Variants in CD6 observed in about 807,000 individuals in gnomAD.
The protein encoded by CD6 is CD6 molecule.
CD6 carries 53 observed loss-of-function variants against 75.3 expected under a neutral mutation model. That is an observed-to-expected ratio of 0.70 (90% CI 0.56 to 0.88). The LOEUF (loss-of-function observed/expected upper bound fraction) is 0.88. Ranked by LOEUF, CD6 falls within the 40% of genes least tolerant of loss-of-function variation. The probability of loss-of-function intolerance (pLI) is 0.00; values close to 1 mark genes in which losing one functional copy is unlikely to be tolerated. For missense variants in CD6, 770 were observed against 897.1 expected, an observed-to-expected ratio of 0.86 and a Z score of 1.81; for synonymous variants, 359 against 381.5, an observed-to-expected ratio of 0.94 and a Z score of 0.69.
chr11:60,985,687 G>C (rs1857785933), intron 1 of CD6, among the ~76,000 whole-genome samples: 1 of 152,188 alleles, frequency 6.6e-6, no homozygotes, highest in African/African-American at 2.4e-5. Context: ...GCCAGGCACA[G>C]TGGCTGATGC....
intron 1 of CD6, among the ~76,000 whole-genome samples, chr11:60,991,141 TTTTC>T (rs1261249872): frequency 2.4e-5 from 3 of 125,708 alleles, no homozygotes; most frequent in Admixed American, 2.0e-4. Flanking sequence ...TTTCTTTTCT[TTTTC>T]TTTCTTTTTT....
At chr11:60,982,636 G>A in intron 1 of CD6, 1 of 456,090 alleles carries the variant, frequency 2.2e-6, no homozygotes, top group Non-Finnish European at 4.4e-6. Context: ...ATGCACAGTT[G>A]CCAAATGGAT....
chr11:60,983,924 C>G (rs1590674604), intron 1 of CD6, among the ~76,000 whole-genome samples: 1 of 152,110 alleles, frequency 6.6e-6, no homozygotes, highest in African/African-American at 2.4e-5. Flanking sequence ...TGGCCCTCAT[C>G]TGGGTTGTCT....
At chr11:61,012,713 G>T (rs1042126806) in intron 6 of CD6, among the ~76,000 whole-genome samples, 1 of 152,126 alleles carries the variant, frequency 6.6e-6, no homozygotes, top group Non-Finnish European at 1.5e-5. Flanking sequence ...CAGAGGGGAG[G>T]CTGAGGGAGG....
At chr11:61,004,352 G>A (rs1377888965) in intron 1 of CD6, 2 of 152,190 alleles carry the variant, frequency 1.3e-5, no homozygotes, top group African/African-American at 4.8e-5. Flanking sequence ...TGGGAACCGG[G>A]ATTCTGAAAT....
At chr11:61,000,794 C>T (rs1858546120) in intron 1 of CD6, among the ~76,000 whole-genome samples, 1 of 152,214 alleles carries the variant, frequency 6.6e-6, no homozygotes, top group South Asian at 2.1e-4. Context: ...TCTTTCGTGC[C>T]TTCATTCTTC....
intron 1 of CD6, among the ~76,000 whole-genome samples, chr11:61,002,808 A>T (rs542786122): frequency 3.9e-5 from 6 of 152,222 alleles, no homozygotes; most frequent in Admixed American, 1.3e-4. Flanking sequence ...GGAAGGCGTC[A>T]CATGGCCAGA....
At chr11:61,018,607 C>T (rs541765030) in intron 12 of CD6, 2 of 539,418 alleles carry the variant, frequency 3.7e-6, no homozygotes, top group Non-Finnish European at 6.6e-6. Flanking sequence ...TGCTTGAGGC[C>T]AGGAATTTAC....
intron 1 of CD6, among the ~76,000 whole-genome samples, chr11:60,981,019 T>C (rs908212729): frequency 2.0e-5 from 3 of 152,072 alleles, no homozygotes; most frequent in African/African-American, 7.2e-5. Flanking sequence ...GTCCAGGCTC[T>C]TTTCTGCCTC....
intron 1 of CD6, among the ~76,000 whole-genome samples, chr11:60,996,931 C>T (rs1283366142): frequency 6.6e-6 from 1 of 152,240 alleles, no homozygotes; most frequent in Admixed American, 6.5e-5. Flanking sequence ...AAGGCTCAGA[C>T]TGGCAAAGTG....
intron 12 of CD6, chr11:61,018,671 A>C: frequency 1.2e-5 from 5 of 417,154 alleles, no homozygotes; most frequent in Non-Finnish European, 1.3e-5. Context: ...AAAACTAAAT[A>C]TTAGCCAAGG....
intron 1 of CD6, among the ~76,000 whole-genome samples, chr11:60,978,731 C>T (rs1857457373): frequency 6.6e-6 from 1 of 152,168 alleles, no homozygotes; most frequent in African/African-American, 2.4e-5. Context: ...GGCATCCTGT[C>T]GTATAGAATC....
chr11:61,011,265 A>T, intron 6 of CD6, 130 bp downstream of exon 6: 1 of 742,356 alleles, frequency 1.3e-6, no homozygotes, highest in Non-Finnish European at 2.3e-6. Context: ...ACCTCCAGCC[A>T]ATGGACTTGC....
chr11:60,995,094 T>G (rs1858235348), intron 1 of CD6, among the ~76,000 whole-genome samples: 1 of 152,100 alleles, frequency 6.6e-6, no homozygotes, highest in South Asian at 2.1e-4. Context: ...CCCAATTGAA[T>G]TATATTACTT....
chr11:60,990,435 A>C (rs1449178733), intron 1 of CD6, among the ~76,000 whole-genome samples: 2 of 152,090 alleles, frequency 1.3e-5, no homozygotes, highest in Admixed American at 1.3e-4. Context: ...TGTTGGTCAC[A>C]CTGGTCTTGA....
intron 1 of CD6, among the ~76,000 whole-genome samples, chr11:60,994,389 C>G (rs764767124): frequency 6.9e-6 from 1 of 144,772 alleles, no homozygotes; most frequent in Admixed American, 7.3e-5. Context: ...TGCAGTAAGC[C>G]GAGATCGTGC....
intron 11 of CD6, 87 bp from the exon 12 acceptor site, chr11:61,018,202 C>T: frequency 7.5e-7 from 1 of 1,333,602 alleles, no homozygotes; most frequent in Non-Finnish European, 1.0e-6. Context: ...GGACTTGGCT[C>T]TCGTGAGTCA....
intron 1 of CD6, 97 bp downstream of exon 1, chr11:60,972,011 C>A: frequency 7.6e-7 from 1 of 1,307,386 alleles, no homozygotes; most frequent in Non-Finnish European, 1.1e-6. Context: ...GGTCACTTTT[C>A]TAGGATCTTT....
intron 6 of CD6, 120 bp downstream of exon 6, chr11:61,011,255 A>T: frequency 4.6e-5 from 34 of 732,564 alleles, no homozygotes; most frequent in South Asian, 1.4e-4. Flanking sequence ...CTCATCCTCC[A>T]CCTCCAGCCA....
Sources: gnomAD v4.1 joint callset for allele counts (sites outside exome capture counted in the v4.1 genomes callset) on GRCh38, gnomAD v4.1.1 for gene constraint, MANE v1.5 for transcripts, NCBI Gene and HGNC (gene_info 2026-07-23, HGNC 2026-07-21) for gene names.